The following TGM1 variants were observed in gnomAD, a reference collection of about 807,000 sequenced individuals.
The protein encoded by TGM1 is protein-glutamine gamma-glutamyltransferase K.
In TGM1, 63 loss-of-function variants were observed where a neutral mutation model predicts 88.7. That is an observed-to-expected ratio of 0.71 (90% CI 0.58 to 0.88). The LOEUF is 0.88. Among genes scored for constraint, TGM1 ranks in the 40% least tolerant of loss-of-function variants. The pLI, the probability that TGM1 is intolerant of heterozygous loss-of-function variation, is 0.00. For synonymous variants in TGM1, 415 were observed against 431.1 expected, an observed-to-expected ratio of 0.96 and a Z score of 0.46; for missense variants, 996 against 1,118.0, an observed-to-expected ratio of 0.89 and a Z score of 1.56.
intron 14 of TGM1, among the ~76,000 whole-genome samples, chr14:24,250,752 C>T (rs371836374): frequency 7.9e-5 from 12 of 152,310 alleles, no homozygotes; most frequent in East Asian, 1.9e-4. Context: ...GCAATCTGCA[C>T]GTTTCATTTT....
Position 24,261,895 on chromosome 14 carries a change from C to T in TGM1, c.320-12G>A, listed in dbSNP as rs770274065. The T allele has an allele frequency of 3.1e-6, 5 of 1,612,634 alleles. No homozygotes were observed. Among genetic ancestry groups the T allele is most frequent in the East Asian group, 4.5e-5 (2 of 44,888 alleles). On this transcript the variant is annotated splice_polypyrimidine_tract_variant and intron_variant, in intron 2 of 14. Coordinates refer to ENST00000206765, the MANE Select transcript of TGM1 (RefSeq NM_000359.3). ...TACTAGCATGCCCTCTGCAAGGACACAGCTCCGTGTCAGTGAAGCCCCATG... is the reference window on the plus strand; with the variant it reads ...TACTAGCATGCCCTCTGCAAGGACATAGCTCCGTGTCAGTGAAGCCCCATG...
intron 14 of TGM1, among the ~76,000 whole-genome samples, chr14:24,251,717 A>G (rs1264608443): frequency 2.0e-5 from 3 of 152,166 alleles, no homozygotes; most frequent in African/African-American, 7.2e-5. Context: ...GAGCCATTTA[A>G]ACCATACACA....
chr14:24,254,953 C>T lies in TGM1; in HGVS notation c.1927+19G>A. On this transcript the variant is annotated intron_variant, in intron 12 of 14. Transcript: ENST00000206765. ...GTGCCCAGCCATCCAGGGGGCAGGG[C>T]TGGGTAAGGAGCACTTACAGGCCCC... is the stretch of plus-strand genomic sequence containing the variant. 6.2e-7 allele frequency: 1 copy of T among 1,613,514 alleles called. No homozygotes were observed. Among genetic ancestry groups the T allele is most frequent in the Non-Finnish European group, 8.5e-7 (1 of 1,180,002 alleles).
chr14:24,262,035 T>G lies in TGM1; in HGVS notation c.318A>C (p.Arg106=). The change falls in exon 2 of 15, where the codon CGA becomes CGC. Residue 106 remains arginine, a splice_region_variant and synonymous_variant. Coordinates refer to ENST00000206765, the MANE Select transcript of TGM1 (RefSeq NM_000359.3). ...GVNAAGDGTI[R]EGMLVVNGVD... ...CTGAGGAGGACAGACCGGCCTCACC[T>G]CGGATGGTGCCATCTCCAGCTGCAT... is the stretch of plus-strand genomic sequence containing the variant. 1.9e-6 allele frequency: 3 copies of G among 1,613,436 alleles called. No individual in the cohort carries two copies. Among genetic ancestry groups the G allele is most frequent in the Non-Finnish European group, 2.5e-6 (3 of 1,179,992 alleles).
intron 9 of TGM1, 49 bp downstream of exon 9, chr14:24,258,236 G>T: frequency 6.8e-7 from 1 of 1,478,806 alleles, no homozygotes; most frequent in Non-Finnish European, 9.4e-7. Context: ...TGTTAATCAG[G>T]TGGGGGAGAT....
rs199623333 is a variant in TGM1, at chr14:24,258,313, C to T, written c.1374G>A (p.Val458=). ...TGCTAGTCTCTTGGGGTGTGGCATC[C>T]ACCACCTGCCACCCATCAAAGCCCG... ...LPSGFDGWQV[V]DATPQETSSG... is the part of the protein sequence containing the mutation. Residue 458 remains valine (V), a synonymous_variant, in exon 9 of 15, where the codon GTG becomes GTA. Coordinates refer to ENST00000206765, the MANE Select transcript of TGM1 (RefSeq NM_000359.3). 1.2e-6 allele frequency: 2 copies of T among 1,613,736 alleles called. No individual in the cohort carries two copies. The highest frequency in any genetic ancestry group is 1.3e-5 in the African/African-American group (1 of 74,914).
chr14:24,261,434 G>A (rs2040807630), intron 3 of TGM1, among the ~76,000 whole-genome samples: 1 of 152,138 alleles, frequency 6.6e-6, no homozygotes, highest in South Asian at 2.1e-4. Context: ...GCCGAAGGAG[G>A]CACCGAGGCA....
chr14:24,260,641 C>A lies in TGM1; in HGVS notation c.566G>T (p.Gly189Val). The A allele has an allele frequency of 2.5e-6, 4 of 1,614,174 alleles. No individual in the cohort carries two copies. Among genetic ancestry groups the A allele is most frequent in the Non-Finnish European group, 3.4e-6 (4 of 1,180,032 alleles). Residue 189 changes from glycine to valine, a missense_variant, in exon 4 of 15, where the codon GGC (glycine) becomes GTC (valine). Transcript: ENST00000206765. Reference protein sequence around the residue: ...THVIIPVGKGGSGGWKAQVVK... With the variant: ...THVIIPVGKGVSGGWKAQVVK... Reference sequence around the variant, plus strand: ...CACCTGGGCTTTCCAGCCTCCACTGCCCCCCTTGCCCACTGGGATGATCAC... The same window carrying A: ...CACCTGGGCTTTCCAGCCTCCACTGACCCCCTTGCCCACTGGGATGATCAC...
chr14:24,254,031 G>C, intron 14 of TGM1, 121 bp downstream of exon 14: 1 of 1,425,748 alleles, frequency 7.0e-7, no homozygotes, highest in Non-Finnish European at 9.6e-7. Flanking sequence ...GCCCCAACCT[G>C]CTTGGTTGGG....
intron 14 of TGM1, among the ~76,000 whole-genome samples, chr14:24,252,776 C>A (rs891938646): frequency 6.6e-6 from 1 of 152,170 alleles, no homozygotes; most frequent in Non-Finnish European, 1.5e-5. Context: ...CCCTCAGTTT[C>A]CCCACCCCAA....
intron 4 of TGM1, 27 bp downstream of exon 4, chr14:24,260,423 C>G: frequency 1.2e-6 from 2 of 1,613,918 alleles, no homozygotes; most frequent in Non-Finnish European, 1.7e-6. Flanking sequence ...TCCCATCTAC[C>G]CTCTGCTCCA....
At chr14:24,252,994 G>C (rs2040714170) in intron 14 of TGM1, among the ~76,000 whole-genome samples, 1 of 152,198 alleles carries the variant, frequency 6.6e-6, no homozygotes, top group African/African-American at 2.4e-5. Flanking sequence ...CTACACCCAG[G>C]GGCTTGCCCA....
chr14:24,252,598 C>A (rs1029072215), intron 14 of TGM1, among the ~76,000 whole-genome samples: 5 of 152,214 alleles, frequency 3.3e-5, no homozygotes, highest in African/African-American at 1.2e-4. Flanking sequence ...TGAGGAAAGC[C>A]CTACTTTGTG....
chr14:24,249,524 T>C lies in TGM1; in HGVS notation c.2243A>G (p.Glu748Gly), dbSNP rs1205750292. 4 of 1,614,070 alleles carry C rather than the reference T, an allele frequency of 2.5e-6. No individual in the cohort carries two copies. The highest frequency in any genetic ancestry group is 3.4e-6 in the Non-Finnish European group (4 of 1,179,986). ...AAACGACTGGCGCAGTGTCACTGTT[T>C]CATTGCCTCCAATGTCCCTGTGGGC... ...ILNVGDIGGN[E>G]TVTLRQSFVP... Residue 748 changes from glutamate to glycine, a missense_variant, in exon 15 of 15, where the codon GAA becomes GGA. Coordinates refer to ENST00000206765, the MANE Select transcript of TGM1 (RefSeq NM_000359.3).
chr14:24,251,725 A>G (rs2040702694), intron 14 of TGM1, among the ~76,000 whole-genome samples: 2 of 152,250 alleles, frequency 1.3e-5, no homozygotes, highest in South Asian at 4.1e-4. Flanking sequence ...TAAACCATAC[A>G]CACAGGCGTG....
At position 24,254,178 on chromosome 14, in the gene TGM1, T is replaced by G. The variant is rs2040723855; in HGVS notation, c.2199A>C (p.Leu733Phe). 6.2e-7 allele frequency: 1 copy of G among 1,613,060 alleles called. No individual in the cohort carries two copies. Among genetic ancestry groups the G allele is most frequent in the Non-Finnish European group, 8.5e-7 (1 of 1,179,588 alleles). Residue 733 changes from leucine to phenylalanine, a missense_variant, in exon 14 of 15, where the codon TTA becomes TTC. Coordinates refer to ENST00000206765, the MANE Select transcript of TGM1 (RefSeq NM_000359.3). ...CAACGTTGAGGATCTTGGGCCTCTGTAACCCAGAGCCTTCGAGCCGGAAGA... is the reference window on the plus strand; with the variant it reads ...CAACGTTGAGGATCTTGGGCCTCTGGAACCCAGAGCCTTCGAGCCGGAAGA... The part of the protein sequence containing the change: ...NVVFRLEGSG[L>F]QRPKILNVGD...
chr14:24,254,598 C>G (rs994052269), intron 13 of TGM1, 66 bp downstream of exon 13: 1 of 1,611,358 alleles, frequency 6.2e-7, no homozygotes, highest in African/African-American at 1.3e-5. Flanking sequence ...GCGCCCACCT[C>G]TGATGTCCTT....
At chr14:24,250,996 G>A (rs779894139) in intron 14 of TGM1, among the ~76,000 whole-genome samples, 50 of 152,154 alleles carry the variant, frequency 3.3e-4, no homozygotes, top group Non-Finnish European at 6.2e-4. Flanking sequence ...CTTGGAACCT[G>A]GTTCTGAGGG....
chr14:24,254,665 G>A lies in TGM1; in HGVS notation c.2087C>T (p.Thr696Met), dbSNP rs574941195. 7.0e-5 allele frequency: 113 copies of A among 1,613,808 alleles called. 1 individual carries two copies. The highest frequency in any genetic ancestry group is 6.5e-4 in the Admixed American group (39 of 60,022). The stretch of plus-strand genomic sequence containing the variant: ...CATGCCCCAGCAAACTGCATTCACC[G>A]TGAGGGAGAGGTCTGGGGTGCGCAG... ...FRLRTPDLSL[T>M]LLGAAVVGQE... The change falls in exon 13 of 15, where the codon ACG (threonine) becomes ATG (methionine). Residue 696 changes from threonine (T) to methionine (M), a missense_variant and splice_region_variant. By Grantham distance (81) the Thr-to-Met change is moderately conservative. Transcript: ENST00000206765.
Sources: allele counts gnomAD v4.1 joint callset (sites outside exome capture counted in the v4.1 genomes callset), GRCh38; gene constraint gnomAD v4.1.1; transcripts MANE v1.5; gene names NCBI Gene and HGNC (gene_info 2026-07-23, HGNC 2026-07-21).